Variants in TUFT1 observed in about 807,000 individuals in gnomAD.
TUFT1 encodes tuftelin.
Under a neutral mutation model 57.8 loss-of-function variants are expected in TUFT1, and 43 were observed. That is an observed-to-expected ratio of 0.74 (90% CI 0.58 to 0.96). TUFT1 has a LOEUF of 0.96. TUFT1 is among the 40% of genes least tolerant of loss of function. The pLI, the probability that TUFT1 is intolerant of heterozygous loss-of-function variation, is 0.00. For synonymous variants in TUFT1, 166 were observed against 176.7 expected (o/e 0.94, Z 0.48); for missense variants, 459 against 489.0 (o/e 0.94, Z 0.58).
chr1:151,564,642 C>A, intron 5 of TUFT1, 28 bp downstream of exon 5: 1 of 1,589,874 alleles, frequency 6.3e-7, no homozygotes, highest in Non-Finnish European at 8.6e-7. Flanking sequence ...ATGGTTGGGT[C>A]CCCACCGAGG....
chr1:151,565,958 G>T (rs747476377), intron 5 of TUFT1: 35 of 436,510 alleles, frequency 8.0e-5, no homozygotes, highest in South Asian at 2.3e-4. Context: ...TTCTTCTTTC[G>T]CTTCGTTCCT....
intron 7 of TUFT1, among the ~76,000 whole-genome samples, chr1:151,573,668 C>T (rs151076833): frequency 0.021 from 3,188 of 152,248 alleles, 105 homozygotes; most frequent in African/African-American, 0.073. Context: ...CACTTGAACC[C>T]AGGAGGCAAA....
At chr1:151,576,758 G>A (rs905677869) in intron 9 of TUFT1, among the ~76,000 whole-genome samples, 1 of 152,082 alleles carries the variant, frequency 6.6e-6, no homozygotes, top group Non-Finnish European at 1.5e-5. Context: ...GAGGTAGCTA[G>A]GACTACAGGC....
In TUFT1 at chr1:151,562,161, A is replaced by C; in HGVS notation, c.131A>C (p.Gln44Pro). 2 of 1,614,012 alleles carry C rather than the reference A, an allele frequency of 1.2e-6. No homozygotes were observed. The highest frequency in any genetic ancestry group is 1.7e-6 in the Non-Finnish European group (2 of 1,179,912). Residue 44 changes from glutamine (Q) to proline (P), a missense_variant, in exon 2 of 13, where the codon CAG becomes CCG. By Grantham distance (76) the Gln-to-Pro change is moderately conservative (BLOSUM62 -1). Transcript: ENST00000368849. Reference protein sequence around the residue: ...LTGDELEHIAQKAGRKTYAMV... With the variant: ...LTGDELEHIAPKAGRKTYAMV... ...GGAGATGAACTTGAACACATAGCCC[A>C]GAAGGTACTGCGGAATTCTGGTGGG...
intron 1 of TUFT1, among the ~76,000 whole-genome samples, chr1:151,548,064 A>G (rs1212139517): frequency 6.6e-6 from 1 of 152,180 alleles, no homozygotes; most frequent in African/African-American, 2.4e-5. Flanking sequence ...TCTTTGTGTC[A>G]TACTCCACAA....
At chr1:151,556,396 C>G (rs548537511) in intron 1 of TUFT1, among the ~76,000 whole-genome samples, 98 of 150,888 alleles carry the variant, frequency 6.5e-4, no homozygotes, top group African/African-American at 2.2e-3. Context: ...TCCCCCTCCC[C>G]GTCTCCTCCC....
chr1:151,566,893 A>G (rs1313852931), intron 6 of TUFT1, among the ~76,000 whole-genome samples: 3 of 151,892 alleles, frequency 2.0e-5, no homozygotes, highest in Admixed American at 2.0e-4. Flanking sequence ...ATTTCCTTCC[A>G]TGGCTGTACT....
At chr1:151,550,466 T>G (rs1665474086) in intron 1 of TUFT1, among the ~76,000 whole-genome samples, 1 of 151,998 alleles carries the variant, frequency 6.6e-6, no homozygotes, top group African/African-American at 2.4e-5. Context: ...CACCTCAGTT[T>G]CCCGAGTAGC....
rs757824948 is a variant in TUFT1 at position 151,564,551 on chromosome 1, G to A, written c.351G>A (p.Arg117=). The A allele has an allele frequency of 1.2e-6, 2 of 1,614,158 alleles. No individual in the cohort carries two copies. Among genetic ancestry groups the A allele is most frequent in the African/African-American group, 1.3e-5 (1 of 75,048 alleles). The change falls in exon 5 of 13, where the codon CGG becomes CGA. Residue 117 remains arginine (R), a synonymous_variant. Coordinates refer to ENST00000368849, the MANE Select transcript of TUFT1 (RefSeq NM_020127.3). ...QEARNCLQKL[R]EDISSKLDRN... is the part of the protein sequence containing the mutation. Reference sequence around the variant, plus strand: ...CCAGGAACTGCCTACAGAAGCTCCGGGAGGATATAAGTAGCAAGCTTGACA... The same window carrying A: ...CCAGGAACTGCCTACAGAAGCTCCGAGAGGATATAAGTAGCAAGCTTGACA...
At chr1:151,561,519 T>C (rs1224522081) in intron 1 of TUFT1, 4 of 966,998 alleles carry the variant, frequency 4.1e-6, no homozygotes, top group African/African-American at 3.6e-5. Context: ...CTTTGACTTA[T>C]GAAAGAAAAC....
chr1:151,563,872 G>A (rs1468406777), intron 3 of TUFT1, 32 bp from the exon 4 acceptor site: 1 of 1,575,114 alleles, frequency 6.3e-7, no homozygotes, highest in Admixed American at 1.7e-5. Context: ...TTTAATTTGA[G>A]GTTTCTTAAC....
rs373428303 is a variant in TUFT1, at chr1:151,564,458, A to G, written c.325-67A>G. The G allele has an allele frequency of 2.2e-3, 2,618 of 1,188,706 alleles. 56 individuals are homozygous for G. In the South Asian group the frequency reaches 0.026, roughly 12 times the overall value. 73.6% of individuals were successfully genotyped at this position (1,188,706 alleles called of 1,614,324 possible). On this transcript the variant is annotated intron_variant, in intron 4 of 12. Coordinates refer to ENST00000368849, the MANE Select transcript of TUFT1 (RefSeq NM_020127.3). ...AGTACAGGCCAGGGATGGGGCACAG[A>G]GTTGGGTGAGTTGGCATGCTCTCTT...
At position 151,575,359 on chromosome 1, in the gene TUFT1, C is replaced by T. The variant is rs545669719; in HGVS notation, c.818+354C>T. Among the ~76,000 whole-genome samples, 4 of 152,160 alleles carry T rather than the reference C, an allele frequency of 2.6e-5. No individual in the cohort carries two copies. The South Asian group carries it at 6.2e-4, about 24-fold the overall frequency. On this transcript the variant is annotated intron_variant, in intron 9 of 12. Coordinates refer to ENST00000368849, the MANE Select transcript of TUFT1 (RefSeq NM_020127.3). Reference sequence around the variant, plus strand: ...TGTTATGCCTTCGTTTCCTCCCCACCGAAACAAAAATTGACTGTAAACTGT... The same window carrying T: ...TGTTATGCCTTCGTTTCCTCCCCACTGAAACAAAAATTGACTGTAAACTGT...
intron 1 of TUFT1, among the ~76,000 whole-genome samples, chr1:151,548,174 AGAGGGTAGG>A (rs1665398735): frequency 6.6e-6 from 1 of 152,212 alleles, no homozygotes; most frequent in African/African-American, 2.4e-5. Context: ...GAGAGGGTAG[AGAGGGTAGG>A]TACCCACCTA....
intron 5 of TUFT1, 123 bp downstream of exon 5, chr1:151,564,737 G>A: frequency 2.5e-6 from 2 of 811,606 alleles, no homozygotes; most frequent in East Asian, 2.7e-5. Context: ...GGAGAAAATA[G>A]AGGTGATGCT....
intron 5 of TUFT1, 55 bp downstream of exon 5, chr1:151,564,669 G>C: frequency 6.8e-7 from 1 of 1,462,774 alleles, no homozygotes; most frequent in South Asian, 1.2e-5. Flanking sequence ...GGTTGTGCCA[G>C]GCAGTCTCAT....
intron 1 of TUFT1, among the ~76,000 whole-genome samples, chr1:151,559,247 G>A (rs72692719): frequency 0.2 from 30,970 of 152,134 alleles, 3,657 homozygotes; most frequent in South Asian, 0.33. Context: ...CTTTGCTAAG[G>A]GCTGTGGCAT....
intron 1 of TUFT1, among the ~76,000 whole-genome samples, chr1:151,553,374 C>G (rs563760745): frequency 6.6e-6 from 1 of 152,292 alleles, no homozygotes; most frequent in South Asian, 2.1e-4. Flanking sequence ...GCATGAGCCA[C>G]TGCACCCGGC....
In TUFT1 at chr1:151,565,934, A is replaced by C; in HGVS notation, c.415-229A>C. The stretch of plus-strand genomic sequence containing the variant: ...CCTCTTGTTTCTATTTTCTCATGGA[A>C]CGCTAGAAATCTTTTCTTCTTTCGC... On this transcript the variant is annotated intron_variant, in intron 5 of 12. Coordinates refer to ENST00000368849, the MANE Select transcript of TUFT1 (RefSeq NM_020127.3). The C allele has an allele frequency of 1.6e-5, 7 of 434,538 alleles. No individual in the cohort carries two copies. In the East Asian group the frequency reaches 2.5e-4, roughly 15 times the overall value. The allele number at this position is 434,538 out of a possible 1,614,324, so 26.9% of individuals were successfully genotyped here.
Sources: allele counts gnomAD v4.1 joint callset (sites outside exome capture counted in the v4.1 genomes callset), GRCh38; gene constraint gnomAD v4.1.1; transcripts MANE v1.5; gene names NCBI Gene and HGNC (gene_info 2026-07-23, HGNC 2026-07-21).